The following GALNT18 variants were observed in gnomAD, a reference collection of about 807,000 sequenced individuals.
GALNT18 encodes the protein polypeptide N-acetylgalactosaminyltransferase 18, also known as GalNAc-transferase 18.
In GALNT18, 44 loss-of-function variants were observed where a neutral mutation model predicts 69.5. The observed-to-expected ratio is 0.63, with a 90% CI of 0.50 to 0.81. GALNT18 has a LOEUF of 0.81. Among genes scored for constraint, GALNT18 ranks in the 40% least tolerant of loss-of-function variants. GALNT18 has a pLI of 0.00. For missense variants in GALNT18, 715 were observed against 810.0 expected, an observed-to-expected ratio of 0.88 and a Z score of 1.42; for synonymous variants, 364 against 318.2, an observed-to-expected ratio of 1.14 and a Z score of -1.53.
chr11:11,420,446 A>T (rs1302199935), intron 3 of GALNT18, among the ~76,000 whole-genome samples: 1 of 152,204 alleles, frequency 6.6e-6, no homozygotes, highest in Non-Finnish European at 1.5e-5. Flanking sequence ...GAGACTCTGA[A>T]GCTACTGGAG....
At chr11:11,534,362 G>A (rs1857725168) in intron 1 of GALNT18, among the ~76,000 whole-genome samples, 1 of 152,210 alleles carries the variant, frequency 6.6e-6, no homozygotes, top group South Asian at 2.1e-4. Flanking sequence ...TATGAAAGGA[G>A]AATGAGCTAC....
chr11:11,433,862 G>A (rs1855334475), intron 2 of GALNT18, among the ~76,000 whole-genome samples: 1 of 152,146 alleles, frequency 6.6e-6, no homozygotes, highest in Admixed American at 6.5e-5. Context: ...CCCTGTCCCA[G>A]GCCCTGGGTT....
intron 1 of GALNT18, among the ~76,000 whole-genome samples, chr11:11,569,281 T>C (rs1858728362): frequency 6.8e-6 from 1 of 146,470 alleles, no homozygotes; most frequent in Non-Finnish European, 1.5e-5. Context: ...AGAGACACCA[T>C]CAAGGAAGTG....
chr11:11,444,497 T>C lies in GALNT18; in HGVS notation c.428+4247A>G, dbSNP rs143881039. 6.6e-6 allele frequency among the ~76,000 whole-genome samples: 1 copy of C among 152,230 alleles called. No individual in the cohort carries two copies. The highest frequency in any genetic ancestry group is 1.9e-4 in the East Asian group (1 of 5,172). The stretch of plus-strand genomic sequence containing the variant: ...GGGCACATCATGAGTGCTCAGTAAA[T>C]GTTGGCTGGATAAAAAAATAAACGA... On this transcript the variant is annotated intron_variant, in intron 2 of 10. Coordinates refer to ENST00000227756, the MANE Select transcript of GALNT18 (RefSeq NM_198516.3). The surrounding 1 kb of genome is among the most constrained non-coding windows in gnomAD (Gnocchi z 4.4).
intron 9 of GALNT18, among the ~76,000 whole-genome samples, chr11:11,298,723 C>A (rs1162486335): frequency 1.3e-5 from 2 of 152,220 alleles, no homozygotes; most frequent in Non-Finnish European, 2.9e-5. Flanking sequence ...CTCTCCCAGC[C>A]CCATCACAGC....
intron 9 of GALNT18, among the ~76,000 whole-genome samples, chr11:11,303,624 A>T (rs1405595071): frequency 6.6e-6 from 1 of 151,848 alleles, no homozygotes; most frequent in Non-Finnish European, 1.5e-5. Context: ...AGTGGGGCTC[A>T]TACACACCAG....
Position 11,587,855 on chromosome 11 carries a change from C to T in GALNT18, c.235+33504G>A, listed in dbSNP as rs981319529. Among the ~76,000 whole-genome samples, 4 of 151,658 alleles carry T rather than the reference C, an allele frequency of 2.6e-5. No individual in the cohort carries two copies. The highest frequency in any genetic ancestry group is 9.7e-5 in the African/African-American group (4 of 41,242). ...TCTATGGTCCAAAGAATAATAAGAA[C>T]ACAAAATATAGAAATCCGAAAGGAA... On this transcript the variant is annotated intron_variant, in intron 1 of 10. Coordinates refer to ENST00000227756, the MANE Select transcript of GALNT18 (RefSeq NM_198516.3). This position sits in a 1 kb window ranked among gnomAD's most constrained non-coding sequence, Gnocchi z 4.4.
intron 1 of GALNT18, among the ~76,000 whole-genome samples, chr11:11,575,788 G>C (rs930621168): frequency 6.6e-6 from 1 of 152,230 alleles, no homozygotes; most frequent in African/African-American, 2.4e-5. Flanking sequence ...GGAGGAAGGA[G>C]GGGAGCCACT....
At position 11,283,265 on chromosome 11, in the gene GALNT18, G is replaced by T. The variant is rs545729769; in HGVS notation, c.1677+9764C>A. Among the ~76,000 whole-genome samples, 105 of 152,302 alleles carry T rather than the reference G, an allele frequency of 6.9e-4. 2 individuals are homozygous for T. Among genetic ancestry groups the T allele is most frequent in the African/African-American group, 2.5e-3 (103 of 41,546 alleles). On this transcript the variant is annotated intron_variant, in intron 10 of 10. Coordinates refer to ENST00000227756, the MANE Select transcript of GALNT18 (RefSeq NM_198516.3). The stretch of plus-strand genomic sequence containing the variant: ...AGGTTCAAGTGATTCTCCCGCCTCA[G>T]CTGCCCAAGTAGCTGGGATTACAGA...
chr11:11,340,793 A>G lies in GALNT18; in HGVS notation c.1278+26T>C. The G allele has an allele frequency of 6.3e-7, 1 of 1,579,812 alleles. No homozygotes were observed. Among genetic ancestry groups the G allele is most frequent in the Non-Finnish European group, 8.6e-7 (1 of 1,160,566 alleles). On this transcript the variant is annotated intron_variant, in intron 7 of 10. Coordinates refer to ENST00000227756, the MANE Select transcript of GALNT18 (RefSeq NM_198516.3). The surrounding 1 kb of genome is among the most constrained non-coding windows in gnomAD (Gnocchi z 4.2). ...GTTTGTTTTCCACCAATCCCCGAGA[A>G]ACTCATCCCTACCGGAGATCCCTAC...
intron 1 of GALNT18, among the ~76,000 whole-genome samples, chr11:11,487,465 TTTAG>T (rs1489877258): frequency 6.6e-6 from 1 of 152,204 alleles, no homozygotes; most frequent in African/African-American, 2.4e-5. Context: ...ATCCACATTA[TTTAG>T]TATTAGGAAA....
chr11:11,280,143 C>T (rs1348684361), intron 10 of GALNT18, among the ~76,000 whole-genome samples: 1 of 152,080 alleles, frequency 6.6e-6, no homozygotes, highest in African/African-American at 2.4e-5. Context: ...CCCCAGGGCA[C>T]CCCCCGCCCG....
At chr11:11,364,885 T>A (rs1366558038) in intron 6 of GALNT18, among the ~76,000 whole-genome samples, 2 of 152,182 alleles carry the variant, frequency 1.3e-5, no homozygotes, top group African/African-American at 2.4e-5. Context: ...GAGGTAAAGA[T>A]GAAACCAAAT....
At chr11:11,353,030 C>T (rs2133069506) in intron 6 of GALNT18, 1 of 1,614,178 alleles carries the variant, frequency 6.2e-7, no homozygotes. Context: ...CCCATTCCAC[C>T]ACATGTGACT....
At chr11:11,384,014 C>G (rs575505855) in intron 3 of GALNT18, among the ~76,000 whole-genome samples, 2 of 151,964 alleles carry the variant, frequency 1.3e-5, no homozygotes, top group African/African-American at 2.4e-5. Flanking sequence ...TATAGCAGTG[C>G]GAGAATAGAC....
At chr11:11,344,164 C>T (rs575187269) in intron 6 of GALNT18, among the ~76,000 whole-genome samples, 1 of 152,306 alleles carries the variant, frequency 6.6e-6, no homozygotes, top group East Asian at 1.9e-4. Context: ...CCCCCCACCA[C>T]CCCTCCAGCC....
At chr11:11,351,890 G>A (rs1327803405) in intron 6 of GALNT18, 2 of 1,350,754 alleles carry the variant, frequency 1.5e-6, no homozygotes, top group Non-Finnish European at 2.1e-6. Context: ...GCTGCATCAA[G>A]GAGGGGGTGG....
intron 6 of GALNT18, among the ~76,000 whole-genome samples, chr11:11,355,155 A>T (rs1241591908): frequency 6.6e-6 from 1 of 152,164 alleles, no homozygotes; most frequent in Admixed American, 6.5e-5. Flanking sequence ...ACATCAGAGC[A>T]TGTCCCTCCT....
chr11:11,621,385 T>C lies in GALNT18; in HGVS notation c.209A>G (p.Glu70Gly). Residue 70 changes from glutamate to glycine, a missense_variant, in exon 1 of 11, where the codon GAG becomes GGG. Glu to Gly is a moderately conservative substitution (Grantham distance 98). Coordinates refer to ENST00000227756, the MANE Select transcript of GALNT18 (RefSeq NM_198516.3). The surrounding 1 kb of genome is among the most constrained non-coding windows in gnomAD (Gnocchi z 9.3). Reference protein sequence around the residue: ...LKIIERLDHLENVIKQHIQEA... With the variant: ...LKIIERLDHLGNVIKQHIQEA... ...TTGAATGTGCTGCTTGATGACATTC[T>C]CCAGGTGGTCCAGCCGCTCAATAAT... 1 of 1,613,998 alleles carries C rather than the reference T, an allele frequency of 6.2e-7. No homozygotes were observed. The highest frequency in any genetic ancestry group is 8.5e-7 in the Non-Finnish European group (1 of 1,179,990).
Sources: gnomAD v4.1 joint callset for allele counts (sites outside exome capture counted in the v4.1 genomes callset) on GRCh38, gnomAD v4.1.1 for gene constraint, Gnocchi (gnomAD v3.1) non-coding constraint, MANE v1.5 for transcripts, NCBI Gene and HGNC (gene_info 2026-07-23, HGNC 2026-07-21) for gene names.